PPP1R12B: variants seen among roughly 807,000 people sequenced by gnomAD.
PPP1R12B encodes the protein protein phosphatase 1 regulatory subunit 12B, also known as myosin phosphatase target subunit 2.
In PPP1R12B, 76 loss-of-function variants were observed where a neutral mutation model predicts 126.1. The ratio of observed to expected loss-of-function variants is 0.60; its 90% confidence interval spans 0.50 to 0.73. The LOEUF (loss-of-function observed/expected upper bound fraction) is 0.73. Among genes scored for constraint, PPP1R12B ranks in the 30% least tolerant of loss-of-function variants. The pLI is 0.00. For missense variants in PPP1R12B, 1,052 were observed against 1,205.1 expected (o/e 0.87, Z 1.88); for synonymous variants, 356 against 434.7 (o/e 0.82, Z 2.25).
intron 18 of PPP1R12B, among the ~76,000 whole-genome samples, chr1:202,507,522 TA>T (rs1680953282): frequency 6.6e-6 from 1 of 152,194 alleles, no homozygotes; most frequent in South Asian, 2.1e-4. Flanking sequence ...TCCATAACTA[TA>T]CTTTTCAGAA....
chr1:202,511,138 A>G (rs1572340430), intron 18 of PPP1R12B, among the ~76,000 whole-genome samples: 6 of 150,200 alleles, frequency 4.0e-5, no homozygotes, highest in African/African-American at 1.5e-4. Flanking sequence ...TTTTTTGGTT[A>G]CATGAATAAA....
Position 202,567,818 on chromosome 1 carries a change from A to T in PPP1R12B, c.2798A>T (p.Glu933Val), listed in dbSNP as rs1167344197. ...EKTSDRSSVLEMEKRERRALE... is the reference protein window; with the variant it reads ...EKTSDRSSVLVMEKRERRALE... ...ACCTCTGACCGATCATCAGTGCTGG[A>T]GATGGAGAAACGGGTATGCGCATGT... Residue 933 changes from glutamate to valine, a missense_variant, in exon 22 of 24, where the codon GAG (glutamate) becomes GTG (valine). By Grantham distance (121) the Glu-to-Val change is moderately radical. Transcript: ENST00000608999. The T allele has an allele frequency of 1.9e-6, 3 of 1,614,060 alleles. No homozygotes were observed. In the South Asian group the frequency reaches 3.3e-5, roughly 18 times the overall value.
rs1669632092 is a variant in PPP1R12B at position 202,427,139 on chromosome 1, C to T, written c.801C>T (p.Ser267=). The T allele has an allele frequency of 6.2e-7, 1 of 1,614,200 alleles. No homozygotes were observed. Among genetic ancestry groups the T allele is most frequent in the African/African-American group, 1.3e-5 (1 of 75,056 alleles). The part of the protein sequence containing the change: ...AAHWGVKEAC[S]ILAEALCDMD... ...ACTGGGGAGTGAAGGAGGCTTGCTC[C>T]ATCCTGGCAGAAGCACTTTGTGACA... The change falls in exon 5 of 24, where the codon TCC becomes TCT. Residue 267 remains serine (S), a synonymous_variant. Transcript: ENST00000608999.
chr1:202,468,935 A>T (rs1251472957), intron 13 of PPP1R12B, among the ~76,000 whole-genome samples: 2 of 152,226 alleles, frequency 1.3e-5, no homozygotes, highest in Non-Finnish European at 2.9e-5. Flanking sequence ...TCTGTCTCAA[A>T]AAAAAGAAAG....
At chr1:202,490,230 C>T (rs1466181206) in intron 14 of PPP1R12B, among the ~76,000 whole-genome samples, 1 of 152,108 alleles carries the variant, frequency 6.6e-6, no homozygotes, top group Non-Finnish European at 1.5e-5. Flanking sequence ...AATGAAAAGT[C>T]CATTTCCAGT....
intron 18 of PPP1R12B, among the ~76,000 whole-genome samples, chr1:202,531,588 A>G (rs1284251782): frequency 6.6e-6 from 1 of 152,202 alleles, no homozygotes; most frequent in Non-Finnish European, 1.5e-5. Context: ...TTTGGATCTT[A>G]TATTCATAAA....
intron 9 of PPP1R12B, among the ~76,000 whole-genome samples, chr1:202,436,601 T>C (rs1377502178): frequency 2.0e-5 from 3 of 152,224 alleles, no homozygotes; most frequent in African/African-American, 7.2e-5. Context: ...TTCCAGAGAC[T>C]AGCTGTACCC....
At chr1:202,477,162 A>T (rs1422437574) in intron 13 of PPP1R12B, among the ~76,000 whole-genome samples, 1 of 152,178 alleles carries the variant, frequency 6.6e-6, no homozygotes, top group Non-Finnish European at 1.5e-5. Flanking sequence ...ATGACAATGA[A>T]AATAATGTAG....
At chr1:202,563,990 T>A (rs1687802619) in intron 20 of PPP1R12B, among the ~76,000 whole-genome samples, 1 of 151,984 alleles carries the variant, frequency 6.6e-6, no homozygotes, top group Non-Finnish European at 1.5e-5. Context: ...AGCCTGGGAG[T>A]TCAAGGCTGC....
chr1:202,442,182 C>T (rs755196982), intron 11 of PPP1R12B, among the ~76,000 whole-genome samples: 19 of 152,134 alleles, frequency 1.2e-4, no homozygotes, highest in Non-Finnish European at 2.1e-4. Flanking sequence ...TCAAAAGTGA[C>T]TTCTTATTAC....
At chr1:202,479,846 T>C (rs1677133514) in intron 13 of PPP1R12B, among the ~76,000 whole-genome samples, 1 of 152,194 alleles carries the variant, frequency 6.6e-6, no homozygotes, top group Non-Finnish European at 1.5e-5. Context: ...AAATTTGTAT[T>C]GCATAAGCCC....
At chr1:202,533,096 C>T (rs1415698567) in intron 18 of PPP1R12B, among the ~76,000 whole-genome samples, 5 of 151,850 alleles carry the variant, frequency 3.3e-5, no homozygotes, top group East Asian at 1.9e-4. Context: ...CTTGAACTCC[C>T]GACCTCAGGT....
At chr1:202,575,256 C>A in intron 23 of PPP1R12B, 1 of 1,371,784 alleles carries the variant, frequency 7.3e-7, no homozygotes, top group Non-Finnish European at 9.7e-7. Context: ...TATGCAGGTT[C>A]CTGCAAAGCT....
At chr1:202,393,353 G>C (rs896378412) in intron 1 of PPP1R12B, among the ~76,000 whole-genome samples, 1 of 150,890 alleles carries the variant, frequency 6.6e-6, no homozygotes, top group African/African-American at 2.4e-5. Context: ...AAACTTCTCA[G>C]ATTTCATTGT....
At chr1:202,438,310 T>C (rs1223347692) in intron 10 of PPP1R12B, 3 of 1,470,406 alleles carry the variant, frequency 2.0e-6, no homozygotes, top group African/African-American at 1.4e-5. Context: ...ATCAGCAACA[T>C]AAAAATTTCA....
chr1:202,368,199 G>A (rs949319385), intron 1 of PPP1R12B, among the ~76,000 whole-genome samples: 59 of 152,204 alleles, frequency 3.9e-4, no homozygotes, highest in African/African-American at 1.4e-3. Context: ...TTGAACTCCT[G>A]ACCTCAGGTG....
intron 5 of PPP1R12B, among the ~76,000 whole-genome samples, chr1:202,428,344 C>T (rs1669816637): frequency 6.6e-6 from 1 of 152,208 alleles, no homozygotes; most frequent in Non-Finnish European, 1.5e-5. Context: ...TGTCACATCT[C>T]TCCTGAACCC....
intron 1 of PPP1R12B, among the ~76,000 whole-genome samples, chr1:202,383,832 T>G (rs1662721395): frequency 6.6e-6 from 1 of 152,262 alleles, no homozygotes; most frequent in South Asian, 2.1e-4. Context: ...TAACAATAAT[T>G]TATTTTTTAC....
Position 202,581,003 on chromosome 1 carries a change from G to T in PPP1R12B, c.*443G>T. 6.2e-6 allele frequency: 1 copy of T among 161,484 alleles called. No individual in the cohort carries two copies. The highest frequency in any genetic ancestry group is 1.4e-5 in the Non-Finnish European group (1 of 72,612). The allele number at this position is 161,484 out of a possible 1,614,324, so 10.0% of individuals were successfully genotyped here. A position where few individuals can be genotyped will look rare whatever the true frequency, so the allele number is the denominator to read the frequency against. The stretch of plus-strand genomic sequence containing the variant: ...CTTGTGGTAGCCACTCCAGGATCCT[G>T]ATTGGGGTGCCAAGAGAAACAGCAG... On this transcript the variant is annotated 3_prime_UTR_variant, in exon 24 of 24. Coordinates refer to ENST00000608999, the MANE Select transcript of PPP1R12B (RefSeq NM_002481.4).
Sources: allele counts gnomAD v4.1 joint callset (sites outside exome capture counted in the v4.1 genomes callset), GRCh38; gene constraint gnomAD v4.1.1; transcripts MANE v1.5; gene names NCBI Gene and HGNC (gene_info 2026-07-23, HGNC 2026-07-21).